TNIK: variants seen among roughly 807,000 people sequenced by gnomAD.
TNIK encodes TRAF2 and NCK-interacting protein kinase.
Under a neutral mutation model 191.3 loss-of-function variants are expected in TNIK, and 49 were observed. That is an observed-to-expected ratio of 0.26 (90% CI 0.20 to 0.32). TNIK has a LOEUF of 0.32. TNIK is among the 10% of genes least tolerant of loss of function. TNIK has a pLI of 1.00. For synonymous variants in TNIK, 594 were observed against 600.9 expected, an observed-to-expected ratio of 0.99 and a Z score of 0.17; for missense variants, 1,155 against 1,702.3, an observed-to-expected ratio of 0.68 and a Z score of 5.66.
At chr3:171,448,139 C>A (rs1273146474) in intron 1 of TNIK, among the ~76,000 whole-genome samples, 1 of 151,828 alleles carries the variant, frequency 6.6e-6, no homozygotes, top group Non-Finnish European at 1.5e-5. Flanking sequence ...GATTATTAAC[C>A]CTTTTATCTA....
chr3:171,218,909 TTAAA>T (rs1353843325), intron 3 of TNIK, among the ~76,000 whole-genome samples: 2 of 135,546 alleles, frequency 1.5e-5, no homozygotes, highest in Admixed American at 7.9e-5. Context: ...CATATTTATA[TTAAA>T]TATATATTTT....
At chr3:171,165,030 A>C (rs1364907087) in intron 10 of TNIK, among the ~76,000 whole-genome samples, 1 of 152,182 alleles carries the variant, frequency 6.6e-6, no homozygotes, top group South Asian at 2.1e-4. Context: ...GCCCATGCCT[A>C]TAATACCAGC....
chr3:171,161,329 T>G lies in TNIK; in HGVS notation c.957A>C (p.Thr319=). ...TKKKRGEKDE[T]EYEYSGSEEE... ...CCTCACTTCCACTGTACTCATACTC[T>G]GTCTCATCTGAAGAAAGATCCCAGC... The change falls in exon 11 of 33, where the codon ACA becomes ACC. Residue 319 remains threonine (T), a synonymous_variant. Coordinates refer to ENST00000436636, the MANE Select transcript of TNIK (RefSeq NM_015028.4). 2 of 1,612,016 alleles carry G rather than the reference T, an allele frequency of 1.2e-6. No homozygotes were observed. The highest frequency in any genetic ancestry group is 1.7e-6 in the Non-Finnish European group (2 of 1,178,598).
intron 1 of TNIK, among the ~76,000 whole-genome samples, chr3:171,425,825 CAAAA>C (rs34978608): frequency 1.4e-4 from 17 of 123,836 alleles, no homozygotes; most frequent in Admixed American, 1.7e-4. Flanking sequence ...GAGACTCTGT[CAAAA>C]AAAAAAAAAA....
Position 171,125,971 on chromosome 3 carries a change from G to T in TNIK, c.1954C>A (p.Arg652Ser), listed in dbSNP as rs762447384. 8.1e-6 allele frequency: 13 copies of T among 1,613,934 alleles called. No individual in the cohort carries two copies. The highest frequency in any genetic ancestry group is 1.0e-5 in the Non-Finnish European group (12 of 1,179,886). Residue 652 changes from arginine to serine, a missense_variant, in exon 17 of 33, where the codon CGC becomes AGC. Around this residue, in one of 3 missense-constraint regions of TNIK, gnomAD observed 735 missense variants for 848.0 expected, o/e 0.87. Transcript: ENST00000436636. ...GAGCTTCGGTCAAACTTTTCAATGC[G>T]AGTGGGGAGAGGAGGATTTTCCGAG... ...PTSENPPLPTRIEKFDRSSWL... is the reference protein window; with the variant it reads ...PTSENPPLPTSIEKFDRSSWL...
At position 171,261,524 on chromosome 3, in the gene TNIK, TTGGA is replaced by T. The variant is rs758439082; in HGVS notation, c.124-33307_124-33304del. On this transcript the variant is annotated intron_variant, in intron 2 of 32. Coordinates refer to ENST00000436636, the MANE Select transcript of TNIK (RefSeq NM_015028.4). ...TAAGTAATCAAGAAATGTTTGTTGG[TTGGA>T]TGGATGGATGATGGATGGATGGATA... Among the ~76,000 whole-genome samples the T allele has an allele frequency of 3.9e-5, 6 of 151,966 alleles. No homozygotes were observed. The East Asian group carries it at 9.7e-4, about 24-fold the overall frequency.
intron 2 of TNIK, among the ~76,000 whole-genome samples, chr3:171,268,324 C>T (rs532726669): frequency 6.6e-6 from 1 of 152,026 alleles, no homozygotes; most frequent in African/African-American, 2.4e-5. Flanking sequence ...TTCCTCAGCC[C>T]CCATCATCCC....
At chr3:171,380,078 A>G (rs919062545) in intron 1 of TNIK, among the ~76,000 whole-genome samples, 5 of 151,806 alleles carry the variant, frequency 3.3e-5, no homozygotes, top group African/African-American at 9.7e-5. Context: ...TTTAAAGGTC[A>G]ATATGCACAT....
At chr3:171,436,996 T>C (rs770311543) in intron 1 of TNIK, among the ~76,000 whole-genome samples, 11 of 152,214 alleles carry the variant, frequency 7.2e-5, no homozygotes, top group Non-Finnish European at 1.2e-4. Flanking sequence ...GCGGCATCTG[T>C]GCCAGTTCCT....
chr3:171,088,300 T>C (rs1322764006), intron 23 of TNIK, among the ~76,000 whole-genome samples: 2 of 151,582 alleles, frequency 1.3e-5, no homozygotes, highest in Non-Finnish European at 2.9e-5. Flanking sequence ...AGTGGCGCGA[T>C]CTTGGCTCAC....
chr3:171,074,762 C>T lies in TNIK; in HGVS notation c.3449-3439G>A, dbSNP rs183198841. ...AAGAATTTGAACATACTAGAATACT[C>T]GTGCTACAAGAAGATGTCAGTGCTG... On this transcript the variant is annotated intron_variant, in intron 28 of 32. Transcript: ENST00000436636. Among the ~76,000 whole-genome samples the T allele has an allele frequency of 1.9e-3, 286 of 152,186 alleles. 1 individual carries two copies. The highest frequency in any genetic ancestry group is 2.4e-3 in the Non-Finnish European group (162 of 67,994).
intron 3 of TNIK, chr3:171,225,691 A>C (rs752957200): frequency 6.6e-6 from 3 of 451,314 alleles, no homozygotes; most frequent in Non-Finnish European, 1.3e-5. Context: ...TTTTAATTCC[A>C]AGCAAGGTGG....
intron 16 of TNIK, among the ~76,000 whole-genome samples, chr3:171,128,335 A>G (rs1728756639): frequency 6.6e-6 from 1 of 152,246 alleles, no homozygotes; most frequent in African/African-American, 2.4e-5. Flanking sequence ...GGCTCATGCC[A>G]AAGTCCCAAG....
At chr3:171,363,731 G>A (rs527879618) in intron 2 of TNIK, among the ~76,000 whole-genome samples, 5 of 152,260 alleles carry the variant, frequency 3.3e-5, no homozygotes, top group African/African-American at 1.2e-4. Flanking sequence ...TGAAGAGATC[G>A]TGATATACAG....
chr3:171,408,136 A>G (rs1577822193), intron 1 of TNIK, among the ~76,000 whole-genome samples: 1 of 152,234 alleles, frequency 6.6e-6, no homozygotes, highest in African/African-American at 2.4e-5. Context: ...AGGTGATGAA[A>G]GTAAATATAA....
chr3:171,120,259 A>C (rs1727464653), intron 18 of TNIK, among the ~76,000 whole-genome samples: 1 of 152,112 alleles, frequency 6.6e-6, no homozygotes, highest in South Asian at 2.1e-4. Flanking sequence ...TACTAAGTGC[A>C]GGAAGCAAAA....
chr3:171,261,393 A>C (rs927652726), intron 2 of TNIK, among the ~76,000 whole-genome samples: 1 of 152,170 alleles, frequency 6.6e-6, no homozygotes, highest in African/African-American at 2.4e-5. Context: ...CTCCTTATAC[A>C]TAATTTTAGT....
Position 171,403,630 on chromosome 3 carries a change from A to G in TNIK, c.58-33945T>C, listed in dbSNP as rs868684075. ...CCGTATCAAAAAAAAAAAAAAAAAA[A>G]AAAGAAAAGAAAAGGGGGTGAATAG... is the stretch of plus-strand genomic sequence containing the variant. On this transcript the variant is annotated intron_variant, in intron 1 of 32. Coordinates refer to ENST00000436636, the MANE Select transcript of TNIK (RefSeq NM_015028.4). Among the ~76,000 whole-genome samples, 1,305 of 148,706 alleles carry G rather than the reference A, an allele frequency of 8.8e-3. 8 individuals carry two copies. The highest frequency in any genetic ancestry group is 0.021 in the Middle Eastern group (6 of 290).
chr3:171,417,079 C>T (rs1723180614), intron 1 of TNIK, among the ~76,000 whole-genome samples: 2 of 152,156 alleles, frequency 1.3e-5, no homozygotes, highest in African/African-American at 2.4e-5. Context: ...TGTCTCTGTG[C>T]TACAAAATGT....
Sources: allele counts gnomAD v4.1 joint callset (sites outside exome capture counted in the v4.1 genomes callset), GRCh38; gene constraint gnomAD v4.1.1; regional missense constraint gnomAD v4.1.1; transcripts MANE v1.5; gene names NCBI Gene and HGNC (gene_info 2026-07-23, HGNC 2026-07-21).